Variants in MEIS1 observed in about 807,000 individuals in gnomAD.
MEIS1 encodes the protein homeobox protein Meis1.
A neutral mutation model predicts 50.8 loss-of-function variants in MEIS1; 5 were observed. The observed-to-expected ratio is 0.10, with a 90% CI of 0.05 to 0.21. The LOEUF is 0.21. Ranked by LOEUF, MEIS1 falls within the 10% of genes least tolerant of loss-of-function variation. MEIS1 has a pLI of 1.00. For synonymous variants in MEIS1, 176 were observed against 179.3 expected (o/e 0.98, Z 0.15); for missense variants, 318 against 517.3 (o/e 0.61, Z 3.74).
intron 8 of MEIS1, among the ~76,000 whole-genome samples, chr2:66,545,104 A>G (rs1010051305): frequency 1.3e-5 from 2 of 152,206 alleles, no homozygotes; most frequent in African/African-American, 4.8e-5. Context: ...CTAAAGATAA[A>G]TGGTATAAAT....
At chr2:66,560,946 C>T (rs1294961734) in intron 9 of MEIS1, among the ~76,000 whole-genome samples, 1 of 152,124 alleles carries the variant, frequency 6.6e-6, no homozygotes, top group African/African-American at 2.4e-5. Context: ...AACATGATTT[C>T]ATAAGGTTTG....
rs1672045216 is a variant in MEIS1, at chr2:66,443,309, C to T, written c.630+261C>T. 5 of 443,214 alleles carry T rather than the reference C, an allele frequency of 1.1e-5. No homozygotes were observed. The South Asian group carries it at 1.7e-4, about 15-fold the overall frequency. The allele number at this position is 443,214 out of a possible 1,614,324, so 27.5% of individuals were successfully genotyped here. A position where few individuals can be genotyped will look rare whatever the true frequency, so the allele number is the denominator to read the frequency against. The stretch of plus-strand genomic sequence containing the variant: ...GTTTCTTGTCGCTTTTAATTTTTGT[C>T]TTTATTTTATTTACCCTCTATAATA... On this transcript the variant is annotated intron_variant, in intron 6 of 12. Transcript: ENST00000272369.
At chr2:66,458,480 T>C (rs1672445882) in intron 6 of MEIS1, among the ~76,000 whole-genome samples, 1 of 152,204 alleles carries the variant, frequency 6.6e-6, no homozygotes, top group African/African-American at 2.4e-5. Context: ...TGTATGTAGA[T>C]ACCCCAAGGT....
intron 6 of MEIS1, among the ~76,000 whole-genome samples, chr2:66,458,625 A>C (rs1225550378): frequency 6.6e-6 from 1 of 152,226 alleles, no homozygotes; most frequent in Non-Finnish European, 1.5e-5. Context: ...ACAGATGAGG[A>C]CATTAAGGTT....
At chr2:66,489,707 G>T (rs1025972872) in intron 7 of MEIS1, among the ~76,000 whole-genome samples, 2 of 152,156 alleles carry the variant, frequency 1.3e-5, no homozygotes, top group Non-Finnish European at 2.9e-5. Context: ...TAATATTCAA[G>T]TGCAAAATAT....
chr2:66,510,216 T>C (rs1019900584), intron 7 of MEIS1, among the ~76,000 whole-genome samples: 10 of 152,218 alleles, frequency 6.6e-5, no homozygotes, highest in African/African-American at 2.4e-4. Context: ...AAAAAGGCTG[T>C]TTAAATACTG....
chr2:66,497,914 G>A (rs1673448157), intron 7 of MEIS1, among the ~76,000 whole-genome samples: 1 of 152,068 alleles, frequency 6.6e-6, no homozygotes, highest in South Asian at 2.1e-4. Context: ...GACTATTTAG[G>A]CAGCACTGCC....
intron 1 of MEIS1, 76 bp downstream of exon 1, chr2:66,435,944 GT>G: frequency 7.2e-7 from 1 of 1,383,758 alleles, no homozygotes; most frequent in South Asian, 1.4e-5. Flanking sequence ...CTGCTAAAAA[GT>G]TTCCTTTTTT....
chr2:66,486,378 T>G (rs1362859829), intron 7 of MEIS1, among the ~76,000 whole-genome samples: 1 of 152,226 alleles, frequency 6.6e-6, no homozygotes, highest in East Asian at 1.9e-4. Flanking sequence ...TGCTTGTTTT[T>G]GTCAGGTTTG....
intron 9 of MEIS1, among the ~76,000 whole-genome samples, chr2:66,563,681 A>G (rs1323525771): frequency 2.6e-5 from 4 of 152,314 alleles, no homozygotes; most frequent in African/African-American, 9.6e-5. Flanking sequence ...GGACCAATTT[A>G]TTTAAACAGA....
intron 7 of MEIS1, among the ~76,000 whole-genome samples, chr2:66,473,159 AC>A (rs753334397): frequency 3.6e-4 from 54 of 151,756 alleles, no homozygotes; most frequent in Admixed American, 1.5e-3. Context: ...TGGGCGGATC[AC>A]CTGAGGTCAG....
intron 6 of MEIS1, chr2:66,462,024 C>G (rs1390521848): frequency 2.8e-6 from 1 of 355,726 alleles, no homozygotes; most frequent in Non-Finnish European, 5.7e-6. Context: ...ACATCCTGCA[C>G]AGTAGAAAAG....
intron 8 of MEIS1, among the ~76,000 whole-genome samples, chr2:66,518,941 G>A (rs4503972): frequency 0.86 from 130,098 of 152,120 alleles, 56,382 homozygotes; most frequent in South Asian, 0.93. Flanking sequence ...TCTACATGTC[G>A]TGGAATTTAG....
chr2:66,448,628 A>C (rs892132527), intron 6 of MEIS1, among the ~76,000 whole-genome samples: 8 of 152,322 alleles, frequency 5.3e-5, no homozygotes, highest in Middle Eastern at 3.4e-3. Flanking sequence ...TTGCAACAAC[A>C]ATATTTTCTT....
At chr2:66,466,318 T>C (rs1672634198) in intron 7 of MEIS1, among the ~76,000 whole-genome samples, 1 of 152,236 alleles carries the variant, frequency 6.6e-6, no homozygotes. Flanking sequence ...AAATAGAAAC[T>C]TTCTGTGCTG....
chr2:66,551,828 A>C (rs1213288871), intron 9 of MEIS1, among the ~76,000 whole-genome samples: 1 of 152,036 alleles, frequency 6.6e-6, no homozygotes, highest in Non-Finnish European at 1.5e-5. Flanking sequence ...TTTTATCCAA[A>C]AATGATAAAT....
intron 7 of MEIS1, among the ~76,000 whole-genome samples, chr2:66,465,407 C>T (rs149073331): frequency 6.6e-6 from 1 of 152,238 alleles, no homozygotes; most frequent in African/African-American, 2.4e-5. Context: ...CTGACTTTTA[C>T]TGGAAAATGA....
In MEIS1 at chr2:66,569,074, A is replaced by G; in HGVS notation, c.1139A>G (p.Asn380Ser). The G allele has an allele frequency of 1.2e-6, 2 of 1,613,888 alleles. No homozygotes were observed. The highest frequency in any genetic ancestry group is 1.7e-6 in the Non-Finnish European group (2 of 1,179,858). Reference sequence around the variant, plus strand: ...GGACCTATGAGTGGAATGGGCATGAATATGGGCATGGAGGGGCAGTGGCAC... The same window carrying G: ...GGACCTATGAGTGGAATGGGCATGAGTATGGGCATGGAGGGGCAGTGGCAC... Reference protein sequence around the residue: ...APGPMSGMGMNMGMEGQWHYM With the variant: ...APGPMSGMGMSMGMEGQWHYM Residue 380 changes from asparagine (N) to serine (S), a missense_variant, in exon 12 of 13, where the codon AAT (asparagine) becomes AGT (serine). By Grantham distance (46) the Asn-to-Ser change is conservative. This residue lies in a region of MEIS1 where 54 missense variants were observed against 75.0 expected (regional missense o/e 0.72). Transcript: ENST00000272369.
chr2:66,473,397 A>AAAAAATATATAT, intron 7 of MEIS1, among the ~76,000 whole-genome samples: 1 of 107,612 alleles, frequency 9.3e-6, no homozygotes, highest in African/African-American at 5.8e-5. Context: ...AAAAAAAAAA[A>AAAAAATATATAT]ATATATATAT....
Sources: allele counts gnomAD v4.1 joint callset (sites outside exome capture counted in the v4.1 genomes callset), GRCh38; gene constraint gnomAD v4.1.1; regional missense constraint gnomAD v4.1.1; transcripts MANE v1.5; gene names NCBI Gene and HGNC (gene_info 2026-07-23, HGNC 2026-07-21).